The following OSBPL9 variants were observed in gnomAD, a reference collection of about 807,000 sequenced individuals.
OSBPL9 encodes oxysterol-binding protein-related protein 9.
Under a neutral mutation model 106.6 loss-of-function variants are expected in OSBPL9, and 40 were observed. The observed-to-expected ratio is 0.38, with a 90% confidence interval of 0.29 to 0.49. The LOEUF (loss-of-function observed/expected upper bound fraction) is 0.49. OSBPL9 is among the 20% of genes least tolerant of loss of function. OSBPL9 has a pLI of 0.97. For missense variants in OSBPL9, 609 were observed against 887.2 expected (o/e 0.69, Z 3.98); for synonymous variants, 269 against 295.4 (o/e 0.91, Z 0.92).
At chr1:51,653,561 A>C (rs1421110043) in intron 2 of OSBPL9, among the ~76,000 whole-genome samples, 1 of 152,240 alleles carries the variant, frequency 6.6e-6, no homozygotes, top group Non-Finnish European at 1.5e-5. Flanking sequence ...CAATTAAATA[A>C]ATTACATCCC....
chr1:51,659,218 C>T (rs1005930715), intron 2 of OSBPL9, among the ~76,000 whole-genome samples: 12 of 152,088 alleles, frequency 7.9e-5, no homozygotes, highest in East Asian at 3.9e-4. Flanking sequence ...ATACCAAAGA[C>T]GCAGTATCAC....
intron 1 of OSBPL9, among the ~76,000 whole-genome samples, chr1:51,636,162 T>G (rs1056813262): frequency 8.7e-5 from 12 of 138,114 alleles, no homozygotes; most frequent in Non-Finnish European, 1.5e-5. Flanking sequence ...GTTTTTTTTT[T>G]TTTTTTTTTT....
At chr1:51,624,045 G>A (rs946852661) in intron 1 of OSBPL9, among the ~76,000 whole-genome samples, 3 of 151,802 alleles carry the variant, frequency 2.0e-5, no homozygotes, top group Admixed American at 6.6e-5. Flanking sequence ...AGCCACCCGA[G>A]TAGCTGGGAT....
chr1:51,567,548 A>T, the OSBPL9 span: 1 of 152,306 alleles, frequency 6.6e-6, no homozygotes, highest in South Asian at 2.1e-4. Flanking sequence ...GTTCCACAGG[A>T]GGACCTCATA....
intron 1 of OSBPL9, among the ~76,000 whole-genome samples, chr1:51,638,463 C>T (rs1266357331): frequency 1.3e-5 from 2 of 152,146 alleles, no homozygotes; most frequent in Non-Finnish European, 2.9e-5. Context: ...AAGGAGACTA[C>T]ATTCTGGGTG....
chr1:51,659,705 G>A (rs1465796184), intron 2 of OSBPL9, among the ~76,000 whole-genome samples: 2 of 151,948 alleles, frequency 1.3e-5, no homozygotes, highest in African/African-American at 2.4e-5. Flanking sequence ...GTACGTAATA[G>A]TAGAGATGAA....
At chr1:51,662,475 G>C (rs1413172913) in intron 2 of OSBPL9, among the ~76,000 whole-genome samples, 1 of 152,158 alleles carries the variant, frequency 6.6e-6, no homozygotes, top group Non-Finnish European at 1.5e-5. Context: ...TTAGATGCAA[G>C]TGAGTCTTCA....
intron 1 of OSBPL9, among the ~76,000 whole-genome samples, chr1:51,641,070 G>A (rs761125657): frequency 1.1e-4 from 16 of 152,188 alleles, no homozygotes; most frequent in Non-Finnish European, 1.9e-4. Context: ...TTACAGGTGT[G>A]AGCCACTGTG....
the OSBPL9 span, among the ~76,000 whole-genome samples, chr1:51,532,833 T>C: frequency 6.6e-6 from 1 of 151,940 alleles, no homozygotes; most frequent in African/African-American, 2.4e-5. Flanking sequence ...GGTGAAGAGA[T>C]ATTAGGATCA....
the OSBPL9 span, among the ~76,000 whole-genome samples, chr1:51,542,869 C>T: frequency 1.3e-5 from 2 of 152,158 alleles, no homozygotes; most frequent in Non-Finnish European, 2.9e-5. Flanking sequence ...CTTCCACTTC[C>T]TTATCGGTAA....
chr1:51,607,312 C>T (rs1330538370), intron 2 of OSBPL9, among the ~76,000 whole-genome samples: 5 of 151,680 alleles, frequency 3.3e-5, no homozygotes, highest in Non-Finnish European at 1.5e-5. Context: ...CAAGTGTGCA[C>T]CACCACACCC....
At chr1:51,539,204 T>G in the OSBPL9 span, among the ~76,000 whole-genome samples, 1 of 152,236 alleles carries the variant, frequency 6.6e-6, no homozygotes. Context: ...ATAGAACTCC[T>G]AATTTCCCTG....
At chr1:51,730,637 T>C (rs565534638) in intron 4 of OSBPL9, among the ~76,000 whole-genome samples, 21 of 152,360 alleles carry the variant, frequency 1.4e-4, no homozygotes, top group South Asian at 6.2e-4. Context: ...GTATAATTAA[T>C]GGACTAGGAA....
chr1:51,543,689 C>T, the OSBPL9 span, among the ~76,000 whole-genome samples: 1 of 152,236 alleles, frequency 6.6e-6, no homozygotes, highest in East Asian at 1.9e-4. Context: ...GCCACTGCGC[C>T]TGGCCTCAAC....
intron 11 of OSBPL9, among the ~76,000 whole-genome samples, chr1:51,765,104 A>T (rs753793322): frequency 3.9e-5 from 6 of 152,206 alleles, no homozygotes; most frequent in South Asian, 2.1e-4. Flanking sequence ...TTACTAGTAG[A>T]TAAGGTACCA....
the OSBPL9 span, among the ~76,000 whole-genome samples, chr1:51,562,579 A>G: frequency 6.6e-6 from 1 of 152,246 alleles, no homozygotes; most frequent in Non-Finnish European, 1.5e-5. Flanking sequence ...GAAGGATTCC[A>G]GGAGCTTCTT....
chr1:51,636,954 G>A (rs549242124), intron 1 of OSBPL9, among the ~76,000 whole-genome samples: 73 of 152,226 alleles, frequency 4.8e-4, no homozygotes, highest in African/African-American at 1.5e-3. Flanking sequence ...CTGAGGCACT[G>A]CTGAGAGGCT....
At chr1:51,685,491 T>A (rs2148813313) in intron 3 of OSBPL9, among the ~76,000 whole-genome samples, 1 of 152,144 alleles carries the variant, frequency 6.6e-6, no homozygotes, top group South Asian at 2.1e-4. Context: ...CACTGCAACC[T>A]CCACCTCCAG....
chr1:51,614,880 T>C (rs1644015043), upstream of OSBPL9, among the ~76,000 whole-genome samples: 1 of 152,116 alleles, frequency 6.6e-6, no homozygotes, highest in South Asian at 2.1e-4. Flanking sequence ...AGCTACTAAG[T>C]GATGAATCTG....
Sources: allele counts gnomAD v4.1 joint callset (sites outside exome capture counted in the v4.1 genomes callset), GRCh38; gene constraint gnomAD v4.1.1; transcripts MANE v1.5; gene names NCBI Gene and HGNC (gene_info 2026-07-23, HGNC 2026-07-21).